The following PGAP2 variants were observed in gnomAD, a reference collection of about 807,000 sequenced individuals.
The protein encoded by PGAP2 is acyltransferase PGAP2.
In PGAP2, 21 loss-of-function variants were observed where a neutral mutation model predicts 33.2. The observed-to-expected ratio is 0.63, with a 90% CI of 0.45 to 0.91. The LOEUF (loss-of-function observed/expected upper bound fraction) is 0.91. Among genes scored for constraint, PGAP2 ranks in the 40% least tolerant of loss-of-function variants. The pLI is 0.00. For missense variants in PGAP2, 345 were observed against 424.0 expected (o/e 0.81, Z 1.64); for synonymous variants, 161 against 172.9 (o/e 0.93, Z 0.54).
chr11:3,798,069 C>T, intron 1 of PGAP2: 2 of 1,507,582 alleles, frequency 1.3e-6, no homozygotes, highest in Non-Finnish European at 1.8e-6. Context: ...CCCGCCCAGA[C>T]CACGTGCGGA....
chr11:3,798,144 T>G, intron 1 of PGAP2: 1 of 1,438,644 alleles, frequency 7.0e-7, no homozygotes, highest in East Asian at 2.7e-5. Flanking sequence ...TTCAGGGCCC[T>G]AAATCCTGAC....
chr11:3,816,561 G>T (rs2087068276), intron 2 of PGAP2, among the ~76,000 whole-genome samples: 1 of 152,152 alleles, frequency 6.6e-6, no homozygotes, highest in Non-Finnish European at 1.5e-5. Context: ...CAGTGGAGAA[G>T]GTTTCCATGA....
chr11:3,808,879 C>G (rs1328838725), intron 1 of PGAP2, among the ~76,000 whole-genome samples: 1 of 152,154 alleles, frequency 6.6e-6, no homozygotes, highest in Non-Finnish European at 1.5e-5. Flanking sequence ...TTGAGCTCTC[C>G]CTTTATTCCG....
At chr11:3,802,626 A>G (rs1029133186) in intron 1 of PGAP2, among the ~76,000 whole-genome samples, 6 of 152,144 alleles carry the variant, frequency 3.9e-5, no homozygotes, top group African/African-American at 1.4e-4. Context: ...ATTGGTGGTT[A>G]GGGAGGAGAC....
chr11:3,824,399 G>C, intron 5 of PGAP2, 23 bp downstream of exon 5: 1 of 1,614,176 alleles, frequency 6.2e-7, no homozygotes, highest in Non-Finnish European at 8.5e-7. Context: ...CCTAGCGGGG[G>C]CTCCAAGGCA....
rs746736798 is a variant in PGAP2, at chr11:3,823,024, C to CTTTTTTTTTTTTTTTTTTTT, written c.349-848_349-829dup. 1.8e-4 allele frequency: 55 copies of CTTTTTTTTTTTTTTTTTTTT among 307,684 alleles called. 1 individual carries two copies. Among genetic ancestry groups the CTTTTTTTTTTTTTTTTTTTT allele is most frequent in the South Asian group, 6.2e-4 (18 of 28,928 alleles). The allele number at this position is 307,684 out of a possible 1,614,324, so 19.1% of individuals were successfully genotyped here. A position where few individuals can be genotyped will look rare whatever the true frequency, so the allele number is the denominator to read the frequency against. ...GAGCACCCACTTTCTTTTTTCTTTT[C>CTTTTTTTTTTTTTTTTTTTT]TTTTTTTTTTTTTTTTTTTTTTTTT... On this transcript the variant is annotated intron_variant, in intron 3 of 6. Coordinates refer to ENST00000278243, the MANE Select transcript of PGAP2 (RefSeq NM_014489.4).
chr11:3,805,985 G>A (rs1440548957), upstream of PGAP2, among the ~76,000 whole-genome samples: 1 of 149,286 alleles, frequency 6.7e-6, no homozygotes, highest in South Asian at 2.1e-4. Context: ...ACGCCCCCGC[G>A]AGACCTTGTT....
upstream of PGAP2, among the ~76,000 whole-genome samples, chr11:3,807,371 GAT>G (rs2084595430): frequency 1.4e-5 from 2 of 140,300 alleles, no homozygotes; most frequent in South Asian, 4.9e-4. Flanking sequence ...GCAGTGGTAC[GAT>G]CTCAGCTCAC....
chr11:3,811,016 GCA>G lies in PGAP2; in HGVS notation c.-10-231_-10-230del, dbSNP rs1217701606. 6.6e-6 allele frequency among the ~76,000 whole-genome samples: 1 copy of G among 152,206 alleles called. No homozygotes were observed. Among genetic ancestry groups the G allele is most frequent in the African/African-American group, 2.4e-5 (1 of 41,434 alleles). ...CCCAGTCCATTCAAGCTTTATCCTA[GCA>G]CAGATTTGGTTCATTGTCTTCCCTC... On this transcript the variant is annotated intron_variant, in intron 1 of 6. Transcript: ENST00000278243. The surrounding 1 kb of genome is among the most constrained non-coding windows in gnomAD (Gnocchi z 4.6).
chr11:3,809,500 T>C (rs772209183), intron 1 of PGAP2, among the ~76,000 whole-genome samples: 5 of 152,224 alleles, frequency 3.3e-5, no homozygotes, highest in Non-Finnish European at 7.3e-5. Context: ...AACTCCTGAT[T>C]TGGGCAGTGC....
chr11:3,806,978 G>A (rs1011447722), upstream of PGAP2, among the ~76,000 whole-genome samples: 7 of 142,440 alleles, frequency 4.9e-5, no homozygotes, highest in Non-Finnish European at 1.1e-4. Flanking sequence ...CCGAGATCGT[G>A]GCACTGCACT....
rs746363557 is a variant in PGAP2 at position 3,825,400 on chromosome 11, G to A, written c.890G>A (p.Trp297Ter). The change falls in exon 7 of 7, where the codon TGG becomes TAG. Residue 297 changes from tryptophan to a stop codon, truncating the protein, a stop_gained. Coordinates refer to ENST00000278243, the MANE Select transcript of PGAP2 (RefSeq NM_014489.4). LOFTEE classifies it high-confidence loss of function. ...TNMAFHMTAWWDFGNKELLIT... is the reference protein window; with the variant it reads ...TNMAFHMTAW ...ATGGCGTTCCACATGACGGCCTGGT[G>A]GGACTTCGGGAACAAGGAGCTGCTC... 1 of 1,613,956 alleles carries A rather than the reference G, an allele frequency of 6.2e-7. No individual in the cohort carries two copies. Among genetic ancestry groups the A allele is most frequent in the Admixed American group, 1.7e-5 (1 of 60,018 alleles).
intron 2 of PGAP2, among the ~76,000 whole-genome samples, chr11:3,815,104 A>AT (rs1247817993): frequency 6.6e-6 from 1 of 151,216 alleles, no homozygotes; most frequent in East Asian, 2.0e-4. Context: ...TGCCTGGCTC[A>AT]TTTTTTGTAT....
intron 1 of PGAP2, among the ~76,000 whole-genome samples, chr11:3,798,442 G>C (rs1168361371): frequency 6.6e-6 from 1 of 152,020 alleles, no homozygotes; most frequent in Non-Finnish European, 1.5e-5. Flanking sequence ...CGATTCTCCC[G>C]CCTTAGCCTC....
rs1590033248 is a variant in PGAP2, at chr11:3,798,093, C to G, written c.139+111C>G. 2.7e-6 allele frequency: 4 copies of G among 1,492,042 alleles called. No homozygotes were observed. The East Asian group carries it at 1.0e-4, about 38-fold the overall frequency. 92.4% of individuals were successfully genotyped at this position (1,492,042 alleles called of 1,614,324 possible). A position where few individuals can be genotyped will look rare whatever the true frequency, so the allele number is the denominator to read the frequency against. On this transcript the variant is annotated intron_variant, in intron 1 of 6. Transcript: ENST00000300730. ...ACCACGTGCGGAGCCTGAGGGCCCTCTTGGAAGGTCTGTCTGTCCAAAGAG... is the reference window on the plus strand; with the variant it reads ...ACCACGTGCGGAGCCTGAGGGCCCTGTTGGAAGGTCTGTCTGTCCAAAGAG...
At chr11:3,798,799 G>T (rs951340946) in intron 1 of PGAP2, among the ~76,000 whole-genome samples, 9 of 151,480 alleles carry the variant, frequency 5.9e-5, no homozygotes, top group African/African-American at 1.9e-4. Flanking sequence ...ACTCGCCGCC[G>T]CGCCCAGCTG....
At chr11:3,815,434 G>A (rs771730329) in intron 2 of PGAP2, among the ~76,000 whole-genome samples, 2 of 151,986 alleles carry the variant, frequency 1.3e-5, no homozygotes, top group South Asian at 2.1e-4. Flanking sequence ...TCAGCCTCCC[G>A]AGTAGCTGGG....
chr11:3,803,852 G>A (rs12272114), upstream of PGAP2, among the ~76,000 whole-genome samples: 113 of 151,406 alleles, frequency 7.5e-4, no homozygotes, highest in African/African-American at 2.5e-3. Flanking sequence ...GTGCAGTGGT[G>A]CGATCATGAC....
chr11:3,809,389 A>T (rs932166138), intron 1 of PGAP2, among the ~76,000 whole-genome samples: 1 of 152,248 alleles, frequency 6.6e-6, no homozygotes, highest in Admixed American at 6.5e-5. Context: ...GTGGAAACAG[A>T]TCTAGAGTGC....
Sources: gnomAD v4.1 joint callset for allele counts (sites outside exome capture counted in the v4.1 genomes callset) on GRCh38, gnomAD v4.1.1 for gene constraint, Gnocchi (gnomAD v3.1) non-coding constraint, MANE v1.5 for transcripts, NCBI Gene and HGNC (gene_info 2026-07-23, HGNC 2026-07-21) for gene names.